Variants in SH2D1A observed in about 807,000 individuals in gnomAD.
SH2D1A encodes the protein SH2 domain containing 1A, also known as SH2 domain-containing protein 1A.
A neutral mutation model predicts 10.1 loss-of-function variants in SH2D1A; 6 were observed. The observed-to-expected ratio is 0.60, with a 90% confidence interval of 0.33 to 1.18. SH2D1A has a LOEUF of 1.18. Ranked by LOEUF, SH2D1A falls within the 50% of genes most tolerant of loss-of-function variation. SH2D1A has a pLI of 0.04. For synonymous variants in SH2D1A, 42 were observed against 36.9 expected (o/e 1.14, Z -0.51); for missense variants, 51 against 97.6 (o/e 0.52, Z 2.01).
rs145717611 is a variant in SH2D1A, at chrX:124,351,881, T to G, written c.137+5102T>G. Among the ~76,000 whole-genome samples the G allele has an allele frequency of 3.4e-3, 381 of 110,795 alleles. 1 individual carries two copies. Among genetic ancestry groups the G allele is most frequent in the African/African-American group, 0.012 (352 of 30,517 alleles). On this transcript the variant is annotated intron_variant, in intron 1 of 3. Transcript: ENST00000371139. ...TGTTTGCCCTTACTTTTTTGACACA[T>G]ACAAAAATCAAACTTTTTTAACACA...
At chrX:124,356,184 G>A (rs1023737002) in intron 1 of SH2D1A, among the ~76,000 whole-genome samples, 15 of 108,999 alleles carry the variant, frequency 1.4e-4, no homozygotes, top group Admixed American at 4.0e-4. Context: ...ATAGTTTGCT[G>A]AGAATGATCG....
chrX:124,360,954 G>C (rs1055842038), intron 1 of SH2D1A, among the ~76,000 whole-genome samples: 1 of 111,439 alleles, frequency 9.0e-6, no homozygotes, highest in African/African-American at 3.3e-5. Context: ...TCTCTAGACT[G>C]ATTTTGGTTA....
intron 1 of SH2D1A, among the ~76,000 whole-genome samples, chrX:124,352,468 TA>T (rs930382284): frequency 1.2e-4 from 13 of 111,423 alleles, no homozygotes; most frequent in Admixed American, 1.1e-3. Flanking sequence ...TTTATTAAGT[TA>T]AAAAAAATTC....
At chrX:124,365,925 A>G in intron 2 of SH2D1A, 101 bp downstream of exon 2, 1 of 563,474 alleles carries the variant, frequency 1.8e-6, no homozygotes, top group Non-Finnish European at 3.1e-6. Flanking sequence ...AAGTATTCAT[A>G]AGGTTTAAAT....
chrX:124,359,866 C>T (rs1358568101), intron 1 of SH2D1A, among the ~76,000 whole-genome samples: 2 of 111,056 alleles, frequency 1.8e-5, no homozygotes, highest in East Asian at 5.6e-4. Context: ...TTTGTTTTGG[C>T]CCTTTAGGTA....
chrX:124,360,445 TAAAAAAA>T (rs752399450), intron 1 of SH2D1A, among the ~76,000 whole-genome samples: 7 of 31,983 alleles, frequency 2.2e-4, no homozygotes, highest in Non-Finnish European at 3.1e-4. Context: ...CTGCAAAAAC[TAAAAAAA>T]AAAAAAAAAA....
At chrX:124,358,299 C>T (rs758709681) in intron 1 of SH2D1A, among the ~76,000 whole-genome samples, 1 of 111,369 alleles carries the variant, frequency 9.0e-6, no homozygotes, top group Non-Finnish European at 1.9e-5. Context: ...TGTCAAATTG[C>T]GTTTTCCTCT....
intron 1 of SH2D1A, among the ~76,000 whole-genome samples, chrX:124,360,445 T>TAAAAAA (rs752399450): frequency 1.3e-4 from 4 of 31,980 alleles, no homozygotes; most frequent in African/African-American, 5.3e-4. Context: ...CTGCAAAAAC[T>TAAAAAA]AAAAAAAAAA....
intron 1 of SH2D1A, among the ~76,000 whole-genome samples, chrX:124,360,827 G>A (rs2060038740): frequency 1.8e-5 from 2 of 110,498 alleles, no homozygotes; most frequent in South Asian, 7.7e-4. Context: ...AAATTAAGTA[G>A]GATTACTATA....
At chrX:124,354,318 G>A (rs936456335) in intron 1 of SH2D1A, among the ~76,000 whole-genome samples, 1 of 110,924 alleles carries the variant, frequency 9.0e-6, no homozygotes, top group Admixed American at 9.7e-5. Flanking sequence ...GATCTCTTTC[G>A]GGCTCTCCCC....
At chrX:124,355,157 A>T (rs1340836208) in intron 1 of SH2D1A, among the ~76,000 whole-genome samples, 1 of 112,775 alleles carries the variant, frequency 8.9e-6, no homozygotes, top group East Asian at 2.7e-4. Context: ...AAGAAGTCAG[A>T]TGTAGCTAAA....
At chrX:124,352,683 G>T (rs1486570196) in intron 1 of SH2D1A, among the ~76,000 whole-genome samples, 1 of 111,611 alleles carries the variant, frequency 9.0e-6, no homozygotes, top group Admixed American at 9.6e-5. Flanking sequence ...TCTGTTGCTG[G>T]ACTCTTCTAT....
At chrX:124,365,585 G>A (rs2060052048) in intron 1 of SH2D1A, among the ~76,000 whole-genome samples, 176 bp from the exon 2 acceptor site, 1 of 111,098 alleles carries the variant, frequency 9.0e-6, no homozygotes, top group Non-Finnish European at 1.9e-5. Flanking sequence ...ACTGTGGTTG[G>A]GCAGATACAA....
At chrX:124,351,661 T>G (rs1442639649) in intron 1 of SH2D1A, among the ~76,000 whole-genome samples, 1 of 110,997 alleles carries the variant, frequency 9.0e-6, no homozygotes, top group Middle Eastern at 4.2e-3. Flanking sequence ...ATTTTCCACA[T>G]TTTATATTCC....
At chrX:124,351,979 CT>C (rs1162794028) in intron 1 of SH2D1A, among the ~76,000 whole-genome samples, 1 of 110,739 alleles carries the variant, frequency 9.0e-6, no homozygotes, top group Non-Finnish European at 1.9e-5. Flanking sequence ...TTTGCCCTTA[CT>C]TTTTTTGACA....
intron 1 of SH2D1A, among the ~76,000 whole-genome samples, chrX:124,356,659 C>T (rs2060027289): frequency 9.0e-6 from 1 of 111,300 alleles, no homozygotes; most frequent in Admixed American, 9.5e-5. Context: ...CAGGGTTTCA[C>T]CATGTTGGCC....
chrX:124,368,434 C>T (rs954137851), intron 2 of SH2D1A, among the ~76,000 whole-genome samples: 4 of 112,157 alleles, frequency 3.6e-5, no homozygotes, highest in African/African-American at 6.5e-5. Flanking sequence ...AGCCACTGTG[C>T]CCGGCTATGC....
intron 1 of SH2D1A, among the ~76,000 whole-genome samples, chrX:124,360,628 T>C (rs2060038258): frequency 1.4e-5 from 1 of 73,229 alleles, no homozygotes; most frequent in African/African-American, 5.5e-5. Context: ...AAAAAAAGCA[T>C]GTGTCCTAAC....
At position 124,372,256 on chromosome X, in the gene SH2D1A, A is replaced by G; in HGVS notation, c.*865A>G. 6.0e-6 allele frequency: 1 copy of G among 166,895 alleles called. No individual in the cohort carries two copies. The highest frequency in any genetic ancestry group is 1.2e-5 in the Non-Finnish European group (1 of 86,277). The allele number at this position is 166,895 out of a possible 1,213,427, so 13.8% of individuals were successfully genotyped here. A position where few individuals can be genotyped will look rare whatever the true frequency, so the allele number is the denominator to read the frequency against. ...AAGTTTATGGTTGTATTATTTTTTA[A>G]AAAAATTCCAAGTGATTGAAACCTA... On this transcript the variant is annotated 3_prime_UTR_variant, in exon 4 of 4. Transcript: ENST00000371139.
Sources: allele counts gnomAD v4.1 joint callset (sites outside exome capture counted in the v4.1 genomes callset), GRCh38; gene constraint gnomAD v4.1.1; transcripts MANE v1.5; gene names NCBI Gene and HGNC (gene_info 2026-07-23, HGNC 2026-07-21).